Variants in GTF2A1L observed in about 807,000 individuals in gnomAD.
The protein encoded by GTF2A1L is general transcription factor IIA subunit 1 like.
In GTF2A1L, 48 loss-of-function variants were observed where a neutral mutation model predicts 49.7. The ratio of observed to expected loss-of-function variants is 0.97; its 90% CI spans 0.77 to 1.23. GTF2A1L has a LOEUF of 1.23. GTF2A1L is among the 50% of genes most tolerant of loss of function. The probability of loss-of-function intolerance (pLI) is 0.00; values close to 1 mark genes in which losing one functional copy is unlikely to be tolerated. For synonymous variants in GTF2A1L, 246 were observed against 193.5 expected (o/e 1.27, Z -2.25); for missense variants, 736 against 564.8 (o/e 1.30, Z -3.07).
intron 6 of GTF2A1L, among the ~76,000 whole-genome samples, chr2:48,662,595 A>C (rs1182827271): frequency 2.6e-5 from 4 of 151,780 alleles, no homozygotes; most frequent in Non-Finnish European, 2.9e-5. Flanking sequence ...GACTGGAAGG[A>C]ATTCCCTCCC....
chr2:48,669,679 C>A (rs139696585), intron 6 of GTF2A1L, 43 bp from the exon 7 acceptor site: 1 of 1,563,926 alleles, frequency 6.4e-7, no homozygotes, highest in Non-Finnish European at 8.7e-7. Flanking sequence ...ATTTTATATA[C>A]CTTATTTGAC....
chr2:48,663,375 G>A (rs1210889792), intron 6 of GTF2A1L, among the ~76,000 whole-genome samples: 1 of 152,246 alleles, frequency 6.6e-6, no homozygotes, highest in South Asian at 2.1e-4. Flanking sequence ...GGTCAAGGCT[G>A]CAGTAAACTG....
intron 1 of GTF2A1L, among the ~76,000 whole-genome samples, chr2:48,618,667 A>G (rs1210346547): frequency 6.6e-6 from 1 of 152,160 alleles, no homozygotes; most frequent in East Asian, 1.9e-4. Context: ...GTGTTTTATG[A>G]TAGTGCGTTT....
intron 6 of GTF2A1L, among the ~76,000 whole-genome samples, chr2:48,652,676 T>G (rs1015140991): frequency 4.6e-5 from 7 of 151,484 alleles, no homozygotes; most frequent in African/African-American, 1.7e-4. Flanking sequence ...AATCTTATAC[T>G]AATTGACTTT....
At chr2:48,652,641 C>A (rs1304816745) in intron 6 of GTF2A1L, among the ~76,000 whole-genome samples, 1 of 151,310 alleles carries the variant, frequency 6.6e-6, no homozygotes, top group Non-Finnish European at 1.5e-5. Context: ...CAGCCAATTT[C>A]AACATGTGGT....
intron 3 of GTF2A1L, among the ~76,000 whole-genome samples, chr2:48,631,782 G>A (rs1676592173): frequency 6.6e-6 from 1 of 151,990 alleles, no homozygotes; most frequent in Non-Finnish European, 1.5e-5. Flanking sequence ...AACTTTTTGT[G>A]GTAGGCATTT....
At chr2:48,670,671 A>G (rs773152946) in intron 7 of GTF2A1L, among the ~76,000 whole-genome samples, 1 of 152,214 alleles carries the variant, frequency 6.6e-6, no homozygotes, top group Non-Finnish European at 1.5e-5. Context: ...GCCAGGCATC[A>G]TATTAAGTCT....
intron 6 of GTF2A1L, among the ~76,000 whole-genome samples, chr2:48,658,727 T>A (rs1433643086): frequency 1.3e-5 from 2 of 152,176 alleles, no homozygotes; most frequent in Non-Finnish European, 2.9e-5. Context: ...CTTGGGAGAT[T>A]GCTTTCAGGA....
chr2:48,626,221 C>T (rs75650058), intron 3 of GTF2A1L, among the ~76,000 whole-genome samples: 5,233 of 143,672 alleles, frequency 0.036, 880 homozygotes, highest in South Asian at 0.17. Flanking sequence ...TACTGTTCTG[C>T]TGGTCTTTGT....
At chr2:48,653,443 G>A (rs193286682) in intron 6 of GTF2A1L, among the ~76,000 whole-genome samples, 5 of 152,036 alleles carry the variant, frequency 3.3e-5, no homozygotes, top group Non-Finnish European at 7.4e-5. Context: ...AGTTCCTGGC[G>A]GTCACTCACT....
chr2:48,629,605 G>A (rs2104101348), intron 3 of GTF2A1L, among the ~76,000 whole-genome samples: 1 of 144,210 alleles, frequency 6.9e-6, no homozygotes, highest in Non-Finnish European at 1.6e-5. Flanking sequence ...CTAGCATACA[G>A]TTAGATAGAT....
chr2:48,669,597 A>G, intron 6 of GTF2A1L, 125 bp from the exon 7 acceptor site: 1 of 1,140,938 alleles, frequency 8.8e-7, no homozygotes, highest in Admixed American at 2.8e-5. Flanking sequence ...TTAGATTTTA[A>G]TGTCATAAGA....
At chr2:48,621,344 T>A in intron 3 of GTF2A1L, 54 bp downstream of exon 3, 3 of 1,611,270 alleles carry the variant, frequency 1.9e-6, no homozygotes, top group Non-Finnish European at 2.5e-6. Flanking sequence ...CAAATTCTCA[T>A]TTGGGAATGT....
In GTF2A1L at chr2:48,642,818, T is replaced by C. The variant is rs373377062; in HGVS notation, c.303+361T>C. Among the ~76,000 whole-genome samples, 12 of 151,436 alleles carry C rather than the reference T, an allele frequency of 7.9e-5. No homozygotes were observed. In the East Asian group the frequency reaches 2.3e-3, roughly 29 times the overall value. ...TTGCAGTGAGCTGAGATCATGCCATTGCACTCCAGCGTGGGTGACAAGAAC... is the reference window on the plus strand; with the variant it reads ...TTGCAGTGAGCTGAGATCATGCCATCGCACTCCAGCGTGGGTGACAAGAAC... On this transcript the variant is annotated intron_variant, in intron 4 of 8. Coordinates refer to ENST00000403751, the MANE Select transcript of GTF2A1L (RefSeq NM_006872.5).
At chr2:48,629,317 T>A (rs2104099933) in intron 3 of GTF2A1L, among the ~76,000 whole-genome samples, 1 of 144,294 alleles carries the variant, frequency 6.9e-6, no homozygotes, top group East Asian at 2.0e-4. Context: ...GCAATGATTT[T>A]GAATTTTGAT....
At position 48,654,631 on chromosome 2, in the gene GTF2A1L, G is replaced by A. The variant is rs1340507220; in HGVS notation, c.978+7589G>A. On this transcript the variant is annotated intron_variant, in intron 6 of 8. Coordinates refer to ENST00000403751, the MANE Select transcript of GTF2A1L (RefSeq NM_006872.5). ...CCTCCTGACCTCAGGTGATCCCCCT[G>A]CCTCAGCCTCTCAAAGTGCTGGGGA... Among the ~76,000 whole-genome samples the A allele has an allele frequency of 2.6e-5, 4 of 152,280 alleles. No individual in the cohort carries two copies. In the East Asian group the frequency reaches 7.7e-4, roughly 29 times the overall value.
At chr2:48,621,509 T>C (rs925202071) in intron 3 of GTF2A1L, among the ~76,000 whole-genome samples, 9 of 152,210 alleles carry the variant, frequency 5.9e-5, no homozygotes, top group Non-Finnish European at 1.5e-5. Context: ...TATTAAATTT[T>C]ACAAAGATGA....
chr2:48,653,599 T>C (rs1289180575), intron 6 of GTF2A1L, among the ~76,000 whole-genome samples: 3 of 152,228 alleles, frequency 2.0e-5, no homozygotes, highest in Non-Finnish European at 2.9e-5. Flanking sequence ...ACCACATTTA[T>C]TTACCAGTTT....
At chr2:48,642,213 A>G (rs1310351071) in intron 3 of GTF2A1L, among the ~76,000 whole-genome samples, 189 bp from the exon 4 acceptor site, 1 of 152,166 alleles carries the variant, frequency 6.6e-6, no homozygotes, top group East Asian at 1.9e-4. Context: ...TTTATTTGTA[A>G]AGTCTTTATG....
Sources: allele counts gnomAD v4.1 joint callset (sites outside exome capture counted in the v4.1 genomes callset), GRCh38; gene constraint gnomAD v4.1.1; transcripts MANE v1.5; gene names NCBI Gene and HGNC (gene_info 2026-07-23, HGNC 2026-07-21).